MEI1: variants seen among roughly 807,000 people sequenced by gnomAD.
MEI1 encodes meiosis inhibitor protein 1.
In MEI1, 103 loss-of-function variants were observed where a neutral mutation model predicts 146.2. That is an observed-to-expected ratio of 0.70 (90% CI 0.60 to 0.83). The LOEUF is 0.83. MEI1 is among the 40% of genes least tolerant of loss of function. The pLI is 0.00. For synonymous variants in MEI1, 652 were observed against 628.2 expected (o/e 1.04, Z -0.57); for missense variants, 1,529 against 1,533.0 (o/e 1.00, Z 0.04).
chr22:41,780,530 TA>T (rs1210251249), intron 22 of MEI1, among the ~76,000 whole-genome samples: 1 of 151,852 alleles, frequency 6.6e-6, no homozygotes, highest in African/African-American at 2.4e-5. Context: ...CTTGAGAGGT[TA>T]AGGAAGGCTT....
chr22:41,772,002 T>C (rs1347201674), intron 20 of MEI1, among the ~76,000 whole-genome samples: 2 of 152,170 alleles, frequency 1.3e-5, no homozygotes, highest in African/African-American at 2.4e-5. Flanking sequence ...GATACATTTT[T>C]AGAAACACAG....
Position 41,743,177 on chromosome 22 carries a change from C to A in MEI1, c.1429C>A (p.Leu477Met), listed in dbSNP as rs1375298186. 1 of 1,612,952 alleles carries A rather than the reference C, an allele frequency of 6.2e-7. No individual in the cohort carries two copies. Among genetic ancestry groups the A allele is most frequent in the South Asian group, 1.1e-5 (1 of 91,022 alleles). The part of the protein sequence containing the change: ...NRCAEFSQTL[L>M]SRRPLGHASS... ...ATGTGCGGAGTTTTCCCAGACCTTG[C>A]TGAGCAGGAGGCCCCTGGTCAGTGT... The change falls in exon 12 of 31, where the codon CTG (leucine) becomes ATG (methionine). Residue 477 changes from leucine (L) to methionine (M), a missense_variant. Leu to Met is a conservative substitution (Grantham distance 15). Around this residue, in one of 3 missense-constraint regions of MEI1, gnomAD observed 1,212 missense variants for 1,178.9 expected, o/e 1.03. Coordinates refer to ENST00000401548, the MANE Select transcript of MEI1 (RefSeq NM_152513.4).
intron 17 of MEI1, among the ~76,000 whole-genome samples, chr22:41,754,621 A>T (rs1393403072): frequency 6.6e-6 from 1 of 151,858 alleles, no homozygotes; most frequent in East Asian, 1.9e-4. Context: ...TTTAGTAGAG[A>T]CGGGCCTTCA....
In MEI1 at chr22:41,753,987, A is replaced by G. The variant is rs201343826; in HGVS notation, c.1892A>G (p.Tyr631Cys). 2.1e-5 allele frequency: 34 copies of G among 1,613,556 alleles called. 1 individual carries two copies. In the East Asian group the frequency reaches 5.3e-4, roughly 25 times the overall value. Residue 631 changes from tyrosine to cysteine, a missense_variant, in exon 17 of 31, where the codon TAC (tyrosine) becomes TGC (cysteine). Coordinates refer to ENST00000401548, the MANE Select transcript of MEI1 (RefSeq NM_152513.4). ...AACCAGGTGTGTTCCAATTTCCTCTACTATATGTGCCTCAACCTTCTCTCA... is the reference window on the plus strand; with the variant it reads ...AACCAGGTGTGTTCCAATTTCCTCTGCTATATGTGCCTCAACCTTCTCTCA... ...ALNQVCSNFLYYMCLNLLSAP... is the reference protein window; with the variant it reads ...ALNQVCSNFLCYMCLNLLSAP...
chr22:41,764,596 A>G lies in MEI1; in HGVS notation c.2268+1275A>G, dbSNP rs117464249. Among the ~76,000 whole-genome samples, 41 of 152,380 alleles carry G rather than the reference A, an allele frequency of 2.7e-4. 1 individual carries two copies. The East Asian group carries it at 7.9e-3, about 29-fold the overall frequency. ...GACTGAAGGGTCCACACTAAGGAAC[A>G]GAAGCAATATTCTATGAAATAGGTG... On this transcript the variant is annotated intron_variant, in intron 19 of 30. Coordinates refer to ENST00000401548, the MANE Select transcript of MEI1 (RefSeq NM_152513.4).
chr22:41,776,601 G>A (rs1327478862), intron 21 of MEI1, among the ~76,000 whole-genome samples: 2 of 152,118 alleles, frequency 1.3e-5, no homozygotes, highest in Admixed American at 6.6e-5. Context: ...TCTGGAGGAG[G>A]ATGGAGGCAG....
chr22:41,786,981 C>T (rs961505957), intron 26 of MEI1, among the ~76,000 whole-genome samples: 1 of 152,220 alleles, frequency 6.6e-6, no homozygotes, highest in Non-Finnish European at 1.5e-5. Flanking sequence ...GCTGAGTTAG[C>T]GGTTGTTGAG....
chr22:41,703,378 G>A lies in MEI1; in HGVS notation c.222G>A (p.Val74=). The A allele has an allele frequency of 6.2e-7, 1 of 1,612,196 alleles. No individual in the cohort carries two copies. Among genetic ancestry groups the A allele is most frequent in the Non-Finnish European group, 8.5e-7 (1 of 1,179,094 alleles). The part of the protein sequence containing the change: ...HMLSCFQDAL[V]RHTSLVTQLV... ...TGTCCTGCTTCCAAGATGCCCTTGT[G>A]AGGCATACCTCCCTGGTCACGCAAC... is the stretch of plus-strand genomic sequence containing the variant. The change falls in exon 2 of 31, where the codon GTG becomes GTA. Residue 74 remains valine (V), a synonymous_variant. Transcript: ENST00000401548.
chr22:41,715,399 T>A (rs2070028071), intron 4 of MEI1, among the ~76,000 whole-genome samples: 1 of 145,594 alleles, frequency 6.9e-6, no homozygotes, highest in African/African-American at 2.6e-5. Context: ...TAACAATAAT[T>A]TTTTTTTTTT....
In MEI1 at chr22:41,744,893, A is replaced by T. The variant is rs2073171790; in HGVS notation, c.1447-80A>T. On this transcript the variant is annotated intron_variant, in intron 12 of 30. Transcript: ENST00000401548. ...TGTCAGACTGCAGTGTGAGAAGAAG[A>T]GGTCTACAGTCATCCAAGCATAGAC... 4 of 705,718 alleles carry T rather than the reference A, an allele frequency of 5.7e-6. No homozygotes were observed. The East Asian group carries it at 1.3e-4, about 24-fold the overall frequency. The allele number at this position is 705,718 out of a possible 1,614,324, so 43.7% of individuals were successfully genotyped here.
chr22:41,718,299 A>G, intron 6 of MEI1, 25 bp downstream of exon 6: 2 of 1,605,122 alleles, frequency 1.2e-6, no homozygotes, highest in Non-Finnish European at 1.7e-6. Flanking sequence ...TGGAGAAAAA[A>G]GGGAGAATAA....
At chr22:41,741,232 C>T (rs527915204) in intron 11 of MEI1, among the ~76,000 whole-genome samples, 17 of 152,244 alleles carry the variant, frequency 1.1e-4, no homozygotes, top group Middle Eastern at 3.4e-3. Context: ...ATGGCCCTGA[C>T]GACACCTCAA....
chr22:41,781,258 C>G (rs184386977), intron 22 of MEI1, 26 bp from the exon 23 acceptor site: 4 of 1,565,730 alleles, frequency 2.6e-6, no homozygotes, highest in Non-Finnish European at 3.5e-6. Context: ...TGCGACAGGC[C>G]GACTGGGGAC....
intron 16 of MEI1, 91 bp from the exon 17 acceptor site, chr22:41,753,858 G>C (rs1300383956): frequency 2.2e-6 from 2 of 897,054 alleles, no homozygotes; most frequent in East Asian, 2.4e-5. Context: ...CTGGCACAAA[G>C]CAGTGGTGCC....
chr22:41,699,521 C>T lies in MEI1; in HGVS notation c.-18C>T. The stretch of plus-strand genomic sequence containing the variant: ...TGCGCGGGAAAGAGTGCCGCCTCAG[C>T]TGAGGGCAAGCGAGGAGATGGCTGT... On this transcript the variant is annotated 5_prime_UTR_variant, in exon 1 of 31. Transcript: ENST00000401548. 4 of 1,601,594 alleles carry T rather than the reference C, an allele frequency of 2.5e-6. No individual in the cohort carries two copies. Among genetic ancestry groups the T allele is most frequent in the Non-Finnish European group, 3.4e-6 (4 of 1,174,980 alleles).
rs1008572704 is a variant in MEI1, at chr22:41,783,175, A to G, written c.3088-1164A>G. Among the ~76,000 whole-genome samples the G allele has an allele frequency of 1.1e-4, 16 of 151,814 alleles. 1 individual carries two copies. The South Asian group carries it at 3.1e-3, about 30-fold the overall frequency. On this transcript the variant is annotated intron_variant, in intron 24 of 30. Coordinates refer to ENST00000401548, the MANE Select transcript of MEI1 (RefSeq NM_152513.4). Reference sequence around the variant, plus strand: ...TACCTTTTTTTTGTCTGTTTTGTTTATTATTAATAGACTTCATTTTTAGGA... The same window carrying G: ...TACCTTTTTTTTGTCTGTTTTGTTTGTTATTAATAGACTTCATTTTTAGGA...
At chr22:41,741,078 A>G (rs573648435) in intron 11 of MEI1, among the ~76,000 whole-genome samples, 202 of 152,184 alleles carry the variant, frequency 1.3e-3, no homozygotes, top group African/African-American at 4.6e-3. Context: ...GCCCAGCTAA[A>G]TTTTGTATTT....
At chr22:41,749,562 A>G (rs1439801885) in intron 15 of MEI1, among the ~76,000 whole-genome samples, 1 of 152,204 alleles carries the variant, frequency 6.6e-6, no homozygotes, top group Admixed American at 6.6e-5. Context: ...GACGTGAGCC[A>G]CCACGCCTGG....
In MEI1 at chr22:41,784,650, T is replaced by A. The variant is rs748066185; in HGVS notation, c.3212T>A (p.Phe1071Tyr). ...CFLRTALRQS[F>Y]SSALVALVPS... Reference sequence around the variant, plus strand: ...CTGCGGACAGCCCTGCGACAAAGCTTTTCCTCTGCCCTGGTAGCCCTGGTG... The same window carrying A: ...CTGCGGACAGCCCTGCGACAAAGCTATTCCTCTGCCCTGGTAGCCCTGGTG... Residue 1071 changes from phenylalanine (F) to tyrosine (Y), a missense_variant, in exon 26 of 31, where the codon TTT (phenylalanine) becomes TAT (tyrosine). By Grantham distance (22) the Phe-to-Tyr change is conservative. Transcript: ENST00000401548. The A allele has an allele frequency of 6.2e-7, 1 of 1,613,688 alleles. No individual in the cohort carries two copies. Among genetic ancestry groups the A allele is most frequent in the Non-Finnish European group, 8.5e-7 (1 of 1,179,874 alleles).
Sources: allele counts gnomAD v4.1 joint callset (sites outside exome capture counted in the v4.1 genomes callset), GRCh38; gene constraint gnomAD v4.1.1; regional missense constraint gnomAD v4.1.1; transcripts MANE v1.5; gene names NCBI Gene and HGNC (gene_info 2026-07-23, HGNC 2026-07-21).